Variants in SLC9A9 observed in about 807,000 individuals in gnomAD.
SLC9A9 encodes the protein solute carrier family 9 member A9, also known as sodium/hydrogen exchanger 9.
SLC9A9 carries 62 observed loss-of-function variants against 77.8 expected under a neutral mutation model. The ratio of observed to expected loss-of-function variants is 0.80; its 90% CI spans 0.65 to 0.98. The LOEUF is 0.98. SLC9A9 is among the 50% of genes least tolerant of loss of function. The probability of loss-of-function intolerance (pLI) is 0.00; values close to 1 mark genes in which losing one functional copy is unlikely to be tolerated. For missense variants in SLC9A9, 775 were observed against 774.9 expected (o/e 1.00, Z 0.00); for synonymous variants, 320 against 283.5 (o/e 1.13, Z -1.29).
intron 4 of SLC9A9, among the ~76,000 whole-genome samples, chr3:143,722,398 G>C (rs1342953759): frequency 6.7e-6 from 1 of 149,848 alleles, no homozygotes; most frequent in Non-Finnish European, 1.5e-5. Context: ...GCGTGAACCA[G>C]GGAGGCGGAG....
At chr3:143,552,324 G>T in intron 9 of SLC9A9, 38 bp downstream of exon 9, 1 of 1,490,070 alleles carries the variant, frequency 6.7e-7, no homozygotes, top group Non-Finnish European at 9.3e-7. Flanking sequence ...ATTTCACTGA[G>T]AAAAGAGACC....
At chr3:143,832,511 C>T (rs771029843) in intron 1 of SLC9A9, among the ~76,000 whole-genome samples, 1 of 152,084 alleles carries the variant, frequency 6.6e-6, no homozygotes, top group Non-Finnish European at 1.5e-5. Context: ...TCTATCCATC[C>T]AAATACTTTA....
chr3:143,385,551 C>G (rs2033403977), intron 12 of SLC9A9, among the ~76,000 whole-genome samples: 1 of 152,318 alleles, frequency 6.6e-6, no homozygotes, highest in South Asian at 2.1e-4. Context: ...GAATATGGAA[C>G]TGACATTATT....
chr3:143,331,963 G>A (rs974245829), intron 14 of SLC9A9, among the ~76,000 whole-genome samples: 6 of 152,178 alleles, frequency 3.9e-5, no homozygotes, highest in Admixed American at 3.3e-4. Context: ...GGAAATTATT[G>A]AGAGGAAAGA....
Position 143,692,973 on chromosome 3 carries a change from A to T in SLC9A9, c.649+219T>A, listed in dbSNP as rs145441638. ...GAAATAAATTGTAATGACTTTAAAG[A>T]TCTCTCCCACTACTGAAATTACTTT... On this transcript the variant is annotated intron_variant, in intron 5 of 15. Coordinates refer to ENST00000316549, the MANE Select transcript of SLC9A9 (RefSeq NM_173653.4). Among the ~76,000 whole-genome samples, 8 of 152,272 alleles carry T rather than the reference A, an allele frequency of 5.3e-5. No individual in the cohort carries two copies. In the East Asian group the frequency reaches 1.3e-3, roughly 26 times the overall value.
intron 4 of SLC9A9, among the ~76,000 whole-genome samples, chr3:143,748,331 C>T (rs961196039): frequency 2.6e-5 from 4 of 152,164 alleles, no homozygotes; most frequent in Non-Finnish European, 4.4e-5. Context: ...ATGCCATCAC[C>T]AAAGACATTC....
rs1435545268 is a variant in SLC9A9, at chr3:143,710,799, A to T, written c.534-17492T>A. On this transcript the variant is annotated intron_variant, in intron 4 of 15. Transcript: ENST00000316549. ...CTTGTCTAATCTATCACTCCAGAAA[A>T]TTTTCCATCCCTTTTCATATCCCCT... Among the ~76,000 whole-genome samples the T allele has an allele frequency of 2.6e-5, 4 of 152,100 alleles. No individual in the cohort carries two copies. The South Asian group carries it at 6.2e-4, about 24-fold the overall frequency.
At chr3:143,610,677 A>G (rs927165730) in intron 6 of SLC9A9, among the ~76,000 whole-genome samples, 15 of 152,214 alleles carry the variant, frequency 9.9e-5, no homozygotes, top group African/African-American at 3.4e-4. Context: ...AGTGAAATCC[A>G]TAGAACGAAC....
intron 14 of SLC9A9, among the ~76,000 whole-genome samples, chr3:143,302,502 A>C (rs1335060039): frequency 2.0e-5 from 3 of 152,212 alleles, no homozygotes; most frequent in Admixed American, 6.5e-5. Context: ...GATGCAGGAA[A>C]GGCTGGGAGT....
At chr3:143,730,170 G>T (rs1398494709) in intron 4 of SLC9A9, among the ~76,000 whole-genome samples, 4 of 152,314 alleles carry the variant, frequency 2.6e-5, no homozygotes, top group East Asian at 1.9e-4. Flanking sequence ...AGGTCCTGAG[G>T]ATGTCAGGGA....
Position 143,671,056 on chromosome 3 carries a change from T to C in SLC9A9, c.650-18696A>G, listed in dbSNP as rs79524436. Among the ~76,000 whole-genome samples, 1,246 of 152,312 alleles carry C rather than the reference T, an allele frequency of 8.2e-3. 16 individuals carry two copies. The highest frequency in any genetic ancestry group is 0.028 in the African/African-American group (1,168 of 41,560). ...CTTACGAGCCTTGTAAATGTACCACTTAAGTTTTTAGAACCTCTGTTGCTT... is the reference window on the plus strand; with the variant it reads ...CTTACGAGCCTTGTAAATGTACCACCTAAGTTTTTAGAACCTCTGTTGCTT... On this transcript the variant is annotated intron_variant, in intron 5 of 15. Coordinates refer to ENST00000316549, the MANE Select transcript of SLC9A9 (RefSeq NM_173653.4).
intron 9 of SLC9A9, among the ~76,000 whole-genome samples, chr3:143,523,349 C>T (rs952982875): frequency 2.8e-4 from 42 of 152,136 alleles, no homozygotes; most frequent in African/African-American, 9.4e-4. Context: ...TTGTCTTTTA[C>T]AATACTCCAA....
At chr3:143,442,240 G>T (rs1437455307) in intron 12 of SLC9A9, among the ~76,000 whole-genome samples, 1 of 152,178 alleles carries the variant, frequency 6.6e-6, no homozygotes, top group Non-Finnish European at 1.5e-5. Flanking sequence ...AACAGTTTCT[G>T]AAAGGACTCA....
chr3:143,319,093 G>A (rs2031324589), intron 14 of SLC9A9, among the ~76,000 whole-genome samples: 2 of 152,202 alleles, frequency 1.3e-5, no homozygotes, highest in Admixed American at 1.3e-4. Context: ...TTGGCTTCTT[G>A]AAGTGGCAGC....
intron 5 of SLC9A9, among the ~76,000 whole-genome samples, chr3:143,665,203 A>C (rs562961597): frequency 6.6e-6 from 1 of 152,370 alleles, no homozygotes; most frequent in South Asian, 2.1e-4. Context: ...GCTCAACTAC[A>C]TGGAAACTAA....
intron 9 of SLC9A9, among the ~76,000 whole-genome samples, chr3:143,515,638 G>A (rs781749104): frequency 5.9e-5 from 9 of 151,922 alleles, no homozygotes; most frequent in African/African-American, 1.5e-4. Flanking sequence ...TATTAAATGC[G>A]TTTTCTGTAT....
At chr3:143,341,152 A>G (rs1161205869) in intron 14 of SLC9A9, among the ~76,000 whole-genome samples, 1 of 152,166 alleles carries the variant, frequency 6.6e-6, no homozygotes, top group Non-Finnish European at 1.5e-5. Flanking sequence ...ATCTCAGGAT[A>G]GCATTAATTT....
At chr3:143,731,930 A>C (rs1043140497) in intron 4 of SLC9A9, among the ~76,000 whole-genome samples, 2 of 152,184 alleles carry the variant, frequency 1.3e-5, no homozygotes, top group Non-Finnish European at 2.9e-5. Context: ...CTCTTTAAGC[A>C]CTTTTCTTGC....
chr3:143,795,374 G>GAACT (rs2008356174), intron 3 of SLC9A9, among the ~76,000 whole-genome samples: 2 of 151,912 alleles, frequency 1.3e-5, no homozygotes, highest in Admixed American at 6.6e-5. Context: ...GGGAAGCAAG[G>GAACT]AACTGGGCAA....
Sources: gnomAD v4.1 joint callset for allele counts (sites outside exome capture counted in the v4.1 genomes callset) on GRCh38, gnomAD v4.1.1 for gene constraint, MANE v1.5 for transcripts, NCBI Gene and HGNC (gene_info 2026-07-23, HGNC 2026-07-21) for gene names.